Variants in ITPRID1 observed in about 807,000 individuals in gnomAD.
The protein encoded by ITPRID1 is ITPR interacting domain containing 1.
A neutral mutation model predicts 95.4 loss-of-function variants in ITPRID1; 96 were observed. The observed-to-expected ratio is 1.01, with a 90% CI of 0.85 to 1.19. ITPRID1 has a LOEUF of 1.19. Ranked by LOEUF, ITPRID1 falls within the 50% of genes most tolerant of loss-of-function variation. The probability of loss-of-function intolerance (pLI) is 0.00; values close to 1 mark genes in which losing one functional copy is unlikely to be tolerated. For missense variants in ITPRID1, 1,339 were observed against 1,252.9 expected (o/e 1.07, Z -1.04); for synonymous variants, 510 against 453.6 (o/e 1.12, Z -1.58).
At chr7:31,627,859 G>A (rs1179698869) in intron 10 of ITPRID1, among the ~76,000 whole-genome samples, 1 of 152,060 alleles carries the variant, frequency 6.6e-6, no homozygotes. Flanking sequence ...ACAATTTTAA[G>A]TGAATACTAA....
rs551578571 is a variant in ITPRID1 at position 31,574,882 on chromosome 7, T to G, written c.598+140T>G. On this transcript the variant is annotated intron_variant, in intron 8 of 14. Transcript: ENST00000615280. Reference sequence around the variant, plus strand: ...ACTTCACACACAAAAGATGGATTTCTTGGTCATCCTATATGTCCAGTGGGA... The same window carrying G: ...ACTTCACACACAAAAGATGGATTTCGTGGTCATCCTATATGTCCAGTGGGA... The G allele has an allele frequency of 1.2e-5, 9 of 748,070 alleles. No individual in the cohort carries two copies. The South Asian group carries it at 1.4e-4, about 12-fold the overall frequency. The allele number at this position is 748,070 out of a possible 1,614,324, so 46.3% of individuals were successfully genotyped here.
chr7:31,640,938 G>A (rs1380902528), intron 10 of ITPRID1, among the ~76,000 whole-genome samples: 1 of 152,148 alleles, frequency 6.6e-6, no homozygotes, highest in Non-Finnish European at 1.5e-5. Flanking sequence ...GAATTAAAGA[G>A]TGTGGAGTTT....
At chr7:31,557,443 A>G (rs924942321) in intron 5 of ITPRID1, among the ~76,000 whole-genome samples, 3 of 152,098 alleles carry the variant, frequency 2.0e-5, no homozygotes, top group Non-Finnish European at 4.4e-5. Flanking sequence ...GTTGGGTTCT[A>G]TGATGGCCAA....
intron 7 of ITPRID1, among the ~76,000 whole-genome samples, chr7:31,573,314 C>G (rs563974820): frequency 2.0e-5 from 3 of 151,896 alleles, no homozygotes; most frequent in Non-Finnish European, 4.4e-5. Flanking sequence ...AACAAAACTT[C>G]ACACTGTACT....
chr7:31,590,011 T>C (rs750906528), intron 10 of ITPRID1, among the ~76,000 whole-genome samples: 14 of 152,126 alleles, frequency 9.2e-5, no homozygotes, highest in Non-Finnish European at 2.1e-4. Flanking sequence ...ATGAGAGGTA[T>C]AGCAAAATGC....
intron 8 of ITPRID1, among the ~76,000 whole-genome samples, chr7:31,575,303 T>A (rs1186200143): frequency 6.6e-6 from 1 of 152,212 alleles, no homozygotes; most frequent in African/African-American, 2.4e-5. Context: ...TTTATGAGAT[T>A]TAGAACACTA....
intron 10 of ITPRID1, among the ~76,000 whole-genome samples, chr7:31,625,480 G>C (rs1432375834): frequency 6.6e-6 from 1 of 152,078 alleles, no homozygotes; most frequent in Non-Finnish European, 1.5e-5. Flanking sequence ...TAGGGACATG[G>C]ATGAAATTGG....
intron 10 of ITPRID1, among the ~76,000 whole-genome samples, chr7:31,619,063 GTCT>G (rs1787549335): frequency 6.6e-6 from 1 of 152,172 alleles, no homozygotes; most frequent in Admixed American, 6.5e-5. Context: ...ACTGACCTTT[GTCT>G]TCTTTCAATT....
At chr7:31,524,085 G>A (rs1023814727) in intron 1 of ITPRID1, among the ~76,000 whole-genome samples, 1 of 152,172 alleles carries the variant, frequency 6.6e-6, no homozygotes, top group African/African-American at 2.4e-5. Context: ...GGAAGTATAT[G>A]TTGGTAATAT....
intron 1 of ITPRID1, among the ~76,000 whole-genome samples, chr7:31,524,489 A>C (rs1783363810): frequency 6.6e-6 from 1 of 152,188 alleles, no homozygotes; most frequent in Admixed American, 6.5e-5. Flanking sequence ...TCGAGATTAA[A>C]GATTAGAAAG....
chr7:31,531,354 A>C (rs1218141678), intron 1 of ITPRID1, among the ~76,000 whole-genome samples: 3 of 151,334 alleles, frequency 2.0e-5, no homozygotes, highest in African/African-American at 7.4e-5. Context: ...AGAGTACCTA[A>C]TTTTCTGATT....
chr7:31,570,324 C>T (rs1784941436), intron 6 of ITPRID1, among the ~76,000 whole-genome samples: 1 of 152,046 alleles, frequency 6.6e-6, no homozygotes. Flanking sequence ...CAATCCCCAC[C>T]CTAGACCTAC....
At chr7:31,565,918 G>A (rs1342811167) in intron 5 of ITPRID1, among the ~76,000 whole-genome samples, 1 of 152,118 alleles carries the variant, frequency 6.6e-6, no homozygotes, top group Admixed American at 6.5e-5. Flanking sequence ...TCCCCAGCTG[G>A]TTCTAAAACT....
intron 10 of ITPRID1, among the ~76,000 whole-genome samples, chr7:31,636,326 T>C (rs1177600069): frequency 6.6e-6 from 1 of 152,228 alleles, no homozygotes; most frequent in East Asian, 1.9e-4. Context: ...TCTGTGCTAG[T>C]GTTCTAACGT....
At chr7:31,577,778 A>C (rs1785236680) in intron 8 of ITPRID1, 85 bp from the exon 9 acceptor site, 2 of 1,159,314 alleles carry the variant, frequency 1.7e-6, no homozygotes, top group Non-Finnish European at 1.2e-6. Context: ...TTTCATGTTA[A>C]CGGACCCTTC....
chr7:31,586,996 C>G (rs1785643289), intron 10 of ITPRID1, among the ~76,000 whole-genome samples: 1 of 152,056 alleles, frequency 6.6e-6, no homozygotes, highest in African/African-American at 2.4e-5. Context: ...AGTCTTTAAT[C>G]CATCTTAAAT....
At chr7:31,544,090 ATTG>A (rs2128133801) in intron 1 of ITPRID1, among the ~76,000 whole-genome samples, 1 of 151,940 alleles carries the variant, frequency 6.6e-6, no homozygotes, top group African/African-American at 2.4e-5. Context: ...ATTGTGTTCT[ATTG>A]TTCTATTTTA....
Position 31,578,148 on chromosome 7 carries a change from C to T in ITPRID1, c.884C>T (p.Ala295Val), listed in dbSNP as rs1404785408. The change falls in exon 9 of 15, where the codon GCA becomes GTA. Residue 295 changes from alanine (A) to valine (V), a missense_variant. Physicochemically the swap from Ala to Val is moderately conservative, Grantham distance 64. Coordinates refer to ENST00000615280, the MANE Select transcript of ITPRID1 (RefSeq NM_001257967.3). ...TTTACAAAACCATGGGATTGTGGAG[C>T]AGAGCTAGCAGCAACCTCAATCAAC... ...VPFTKPWDCG[A>V]ELAATSINHK... 2 of 1,613,588 alleles carry T rather than the reference C, an allele frequency of 1.2e-6. No individual in the cohort carries two copies. Among genetic ancestry groups the T allele is most frequent in the East Asian group, 2.2e-5 (1 of 44,834 alleles).
intron 10 of ITPRID1, among the ~76,000 whole-genome samples, chr7:31,599,690 C>CTCTCTCTCTCTCTCTT (rs1180791810): frequency 6.6e-5 from 7 of 106,714 alleles, no homozygotes; most frequent in Admixed American, 3.7e-4. Context: ...CTCTCTCTCT[C>CTCTCTCTCTCTCTCTT]TCTTTCTTTC....
Sources: gnomAD v4.1 joint callset for allele counts (sites outside exome capture counted in the v4.1 genomes callset) on GRCh38, gnomAD v4.1.1 for gene constraint, MANE v1.5 for transcripts, NCBI Gene and HGNC (gene_info 2026-07-23, HGNC 2026-07-21) for gene names.